The following GLDN variants were observed in gnomAD, a reference collection of about 807,000 sequenced individuals.
The protein encoded by GLDN is gliomedin, also known as collomin.
A neutral mutation model predicts 56.5 loss-of-function variants in GLDN; 47 were observed. The ratio of observed to expected loss-of-function variants is 0.83; its 90% CI spans 0.66 to 1.06. The LOEUF is 1.06. Ranked by LOEUF, GLDN falls within the 50% of genes least tolerant of loss-of-function variation. The pLI is 0.00. For missense variants in GLDN, 782 were observed against 714.3 expected (o/e 1.09, Z -1.08); for synonymous variants, 332 against 278.8 (o/e 1.19, Z -1.90).
rs201536214 is a variant in GLDN at position 51,383,808 on chromosome 15, C to T, written c.457C>T (p.Pro153Ser). 1.5e-5 allele frequency: 24 copies of T among 1,611,678 alleles called. No homozygotes were observed. In the Admixed American group the frequency reaches 3.7e-4, roughly 25 times the overall value. The change falls in exon 4 of 10, where the codon CCA (proline) becomes TCA (serine). Residue 153 changes from proline (P) to serine (S), a missense_variant. Pro to Ser is a moderately conservative substitution (Grantham distance 74, BLOSUM62 -1). Transcript: ENST00000335449. ...AGGACCTCCGGGAGCCGGCGGGTTG[C>T]CAGGACACAACGGATTGGATGGACA... is the stretch of plus-strand genomic sequence containing the variant. ...PPGPPGAGGL[P>S]GHNGLDGQPG...
rs780657770 is a variant in GLDN, at chr15:51,394,831, T to C, written c.542-4T>C. On this transcript the variant is annotated splice_polypyrimidine_tract_variant and splice_region_variant and intron_variant, in intron 4 of 9. Coordinates refer to ENST00000335449, the MANE Select transcript of GLDN (RefSeq NM_181789.4). ...GCTAATATGTCTTTTGTTTTTTTGGTCAGGGATACCTGGAGCTGCAGGAAA... is the reference window on the plus strand; with the variant it reads ...GCTAATATGTCTTTTGTTTTTTTGGCCAGGGATACCTGGAGCTGCAGGAAA... 3.1e-6 allele frequency: 5 copies of C among 1,613,826 alleles called. No homozygotes were observed. The South Asian group carries it at 5.5e-5, about 18-fold the overall frequency.
intron 3 of GLDN, 152 bp downstream of exon 3, chr15:51,383,605 C>G (rs2037817606): frequency 1.9e-6 from 2 of 1,053,818 alleles, no homozygotes; most frequent in Non-Finnish European, 2.9e-6. Flanking sequence ...GAGGCTCTGC[C>G]ATCACCATCC....
intron 1 of GLDN, among the ~76,000 whole-genome samples, chr15:51,347,043 C>T (rs112434135): frequency 3.3e-5 from 5 of 152,104 alleles, no homozygotes; most frequent in South Asian, 4.2e-4. Flanking sequence ...TCCAGCTGGG[C>T]GACAGAGGAG....
At chr15:51,362,705 C>A (rs1409174320) in intron 1 of GLDN, among the ~76,000 whole-genome samples, 1 of 152,098 alleles carries the variant, frequency 6.6e-6, no homozygotes, top group Non-Finnish European at 1.5e-5. Flanking sequence ...GAGAATCTGG[C>A]TTCTCAATGA....
At position 51,353,734 on chromosome 15, in the gene GLDN, A is replaced by AAAAAAAAAAAAAAAAC. The variant is rs60404846; in HGVS notation, c.363+11687_363+11688insAAAAAAAAAAAAAAAC. On this transcript the variant is annotated intron_variant, in intron 1 of 9. Transcript: ENST00000335449. ...TTGATTAAAAAAAAAAAAAAAAAAA[A>AAAAAAAAAAAAAAAAC]CCACAGTCAATTAAAAAAAAAAAAA... Among the ~76,000 whole-genome samples the AAAAAAAAAAAAAAAAC allele has an allele frequency of 1.2e-3, 161 of 128,854 alleles. 4 individuals carry two copies. The highest frequency in any genetic ancestry group is 2.0e-3 in the East Asian group (7 of 3,488). 84.5% of individuals were successfully genotyped at this position (128,854 alleles called of 152,430 possible).
At position 51,392,119 on chromosome 15, in the gene GLDN, C is replaced by A. The variant is rs192756994; in HGVS notation, c.542-2716C>A. Among the ~76,000 whole-genome samples, 5 of 152,252 alleles carry A rather than the reference C, an allele frequency of 3.3e-5. No homozygotes were observed. The East Asian group carries it at 9.6e-4, about 29-fold the overall frequency. ...GAACATGAATATGGAAGAGCAGAAACCATTTTGAATATTTATTACTCCTCT... is the reference window on the plus strand; with the variant it reads ...GAACATGAATATGGAAGAGCAGAAAACATTTTGAATATTTATTACTCCTCT... On this transcript the variant is annotated intron_variant, in intron 4 of 9. Transcript: ENST00000335449.
chr15:51,411,966 G>C (rs1437563045), downstream of GLDN, among the ~76,000 whole-genome samples: 4 of 152,034 alleles, frequency 2.6e-5, no homozygotes, highest in African/African-American at 9.7e-5. Flanking sequence ...GCACACATAG[G>C]GTACAATAGT....
intron 5 of GLDN, among the ~76,000 whole-genome samples, chr15:51,396,916 T>A (rs1013414142): frequency 1.3e-5 from 2 of 152,238 alleles, no homozygotes; most frequent in Non-Finnish European, 2.9e-5. Flanking sequence ...GTAATATACA[T>A]AAATGTGTTT....
intron 1 of GLDN, among the ~76,000 whole-genome samples, chr15:51,357,583 G>A (rs2037209919): frequency 6.6e-6 from 1 of 152,190 alleles, no homozygotes; most frequent in Non-Finnish European, 1.5e-5. Flanking sequence ...TGCGCTGGGA[G>A]CATTGGTTTG....
chr15:51,374,694 T>C (rs1386177396), intron 1 of GLDN, among the ~76,000 whole-genome samples: 1 of 152,052 alleles, frequency 6.6e-6, no homozygotes, highest in Non-Finnish European at 1.5e-5. Context: ...GTCATATTAT[T>C]CATCGTTAAA....
At chr15:51,366,319 C>A (rs756247677) in intron 1 of GLDN, among the ~76,000 whole-genome samples, 6 of 152,172 alleles carry the variant, frequency 3.9e-5, no homozygotes, top group Non-Finnish European at 5.9e-5. Context: ...TCTAACCAGG[C>A]AACTGAGGGA....
intron 1 of GLDN, among the ~76,000 whole-genome samples, chr15:51,345,347 C>T (rs2036958993): frequency 6.6e-6 from 1 of 152,096 alleles, no homozygotes; most frequent in Admixed American, 6.6e-5. Flanking sequence ...ATTACGTATC[C>T]ATGATAATTG....
At position 51,401,695 on chromosome 15, in the gene GLDN, A is replaced by T; in HGVS notation, c.1130A>T (p.Tyr377Phe). Residue 377 changes from tyrosine to phenylalanine, a missense_variant, in exon 9 of 10, where the codon TAC (tyrosine) becomes TTC (phenylalanine). Tyr to Phe is a conservative substitution (Grantham distance 22). Transcript: ENST00000335449. ...TTCCATGGCTGTGGGCACGTTGTTTACAACAACTCTCTCTACTACCACAAA... is the reference window on the plus strand; with the variant it reads ...TTCCATGGCTGTGGGCACGTTGTTTTCAACAACTCTCTCTACTACCACAAA... Reference protein sequence around the residue: ...YYFHGCGHVVYNNSLYYHKGG... With the variant: ...YYFHGCGHVVFNNSLYYHKGG... 1 of 1,614,150 alleles carries T rather than the reference A, an allele frequency of 6.2e-7. No homozygotes were observed. Among genetic ancestry groups the T allele is most frequent in the Non-Finnish European group, 8.5e-7 (1 of 1,179,988 alleles).
intron 5 of GLDN, 110 bp downstream of exon 5, chr15:51,395,091 G>A: frequency 3.6e-6 from 4 of 1,121,692 alleles, no homozygotes; most frequent in Non-Finnish European, 4.9e-6. Flanking sequence ...GGCCTTATGT[G>A]GCCATCTGTT....
chr15:51,361,228 T>C (rs1222924005), intron 1 of GLDN, among the ~76,000 whole-genome samples: 1 of 152,230 alleles, frequency 6.6e-6, no homozygotes, highest in Non-Finnish European at 1.5e-5. Flanking sequence ...TCTGCACTTA[T>C]TTGTGTCATA....
chr15:51,355,284 A>C (rs1343392391), intron 1 of GLDN, among the ~76,000 whole-genome samples: 3 of 152,132 alleles, frequency 2.0e-5, no homozygotes, highest in Non-Finnish European at 4.4e-5. Context: ...GTTTTCTGGG[A>C]AAAGGGGCAG....
intron 1 of GLDN, among the ~76,000 whole-genome samples, chr15:51,357,925 G>A (rs1052055101): frequency 2.0e-5 from 3 of 152,106 alleles, no homozygotes; most frequent in Non-Finnish European, 4.4e-5. Flanking sequence ...TCCGTGCCCT[G>A]TCCCTCGTAC....
Position 51,394,993 on chromosome 15 carries a change from A to G in GLDN, c.688+12A>G. On this transcript the variant is annotated intron_variant, in intron 5 of 9. Transcript: ENST00000335449. Reference sequence around the variant, plus strand: ...CGTGCTCCTGGCAGGTAAGAGGGGTACGCTGTGGCTCTCTTTGAGGGCTTG... The same window carrying G: ...CGTGCTCCTGGCAGGTAAGAGGGGTGCGCTGTGGCTCTCTTTGAGGGCTTG... The G allele has an allele frequency of 6.4e-7, 1 of 1,573,824 alleles. No homozygotes were observed. The highest frequency in any genetic ancestry group is 8.6e-7 in the Non-Finnish European group (1 of 1,164,204).
intron 2 of GLDN, among the ~76,000 whole-genome samples, chr15:51,381,394 C>T (rs147354653): frequency 6.6e-6 from 1 of 152,144 alleles, no homozygotes; most frequent in African/African-American, 2.4e-5. Flanking sequence ...GCCACCTCAC[C>T]CCCTTCCCAG....
Sources: gnomAD v4.1 joint callset for allele counts (sites outside exome capture counted in the v4.1 genomes callset) on GRCh38, gnomAD v4.1.1 for gene constraint, MANE v1.5 for transcripts, NCBI Gene and HGNC (gene_info 2026-07-23, HGNC 2026-07-21) for gene names.